B3GALT1: variants seen among roughly 807,000 people sequenced by gnomAD.
B3GALT1 encodes UDP-Gal:betaGlcNAc beta 1,3-galactosyltransferase, polypeptide 1.
B3GALT1 carries 10 observed loss-of-function variants against 23.2 expected under a neutral mutation model. That is an observed-to-expected ratio of 0.43 (90% CI 0.27 to 0.73). B3GALT1 has a LOEUF of 0.73. B3GALT1 is among the 30% of genes least tolerant of loss of function. The pLI is 0.21. For synonymous variants in B3GALT1, 156 were observed against 141.5 expected, an observed-to-expected ratio of 1.10 and a Z score of -0.73; for missense variants, 299 against 405.4, an observed-to-expected ratio of 0.74 and a Z score of 2.25.
chr2:167,684,408 T>G (rs1686583120), intron 3 of B3GALT1, among the ~76,000 whole-genome samples: 1 of 152,230 alleles, frequency 6.6e-6, no homozygotes, highest in Non-Finnish European at 1.5e-5. Context: ...TTGTATAGTC[T>G]GGAAAGCCAG....
At chr2:167,479,234 G>A (rs988253436) in intron 1 of B3GALT1, among the ~76,000 whole-genome samples, 85 of 152,036 alleles carry the variant, frequency 5.6e-4, no homozygotes, top group Admixed American at 7.2e-4. Flanking sequence ...AAATGAGGTG[G>A]TACAGGCAAA....
chr2:167,503,866 T>C (rs1305314541), intron 2 of B3GALT1, among the ~76,000 whole-genome samples: 1 of 152,232 alleles, frequency 6.6e-6, no homozygotes, highest in East Asian at 1.9e-4. Context: ...ATTTGTTATC[T>C]TTGCTGTATG....
intron 1 of B3GALT1, among the ~76,000 whole-genome samples, chr2:167,333,735 T>A (rs1697012672): frequency 6.6e-6 from 1 of 152,170 alleles, no homozygotes. Context: ...TAGATGACAC[T>A]TAGAGAATTA....
chr2:167,744,157 A>T (rs1293500888), intron 3 of B3GALT1, among the ~76,000 whole-genome samples: 1 of 152,132 alleles, frequency 6.6e-6, no homozygotes, highest in East Asian at 1.9e-4. Context: ...TATGTGAATA[A>T]TTTTTTAAAT....
At chr2:167,633,852 A>C (rs1450382098) in intron 2 of B3GALT1, among the ~76,000 whole-genome samples, 1 of 152,146 alleles carries the variant, frequency 6.6e-6, no homozygotes, top group East Asian at 1.9e-4. Flanking sequence ...GACCTAATAG[A>C]CATCTACAGA....
At chr2:167,310,862 A>C (rs1362404044) in intron 1 of B3GALT1, among the ~76,000 whole-genome samples, 2 of 152,016 alleles carry the variant, frequency 1.3e-5, no homozygotes, top group African/African-American at 4.8e-5. Flanking sequence ...GTGTTCAAGC[A>C]CTTCTGGAAG....
chr2:167,627,377 C>T (rs1350313850), intron 2 of B3GALT1, among the ~76,000 whole-genome samples: 1 of 151,664 alleles, frequency 6.6e-6, no homozygotes, highest in Non-Finnish European at 1.5e-5. Context: ...ATTTCTGTCT[C>T]TATCAGTTTG....
At position 167,871,891 on chromosome 2, in the gene B3GALT1, C is replaced by CTTTTTTTTTT. The variant is rs397870339; in HGVS notation, c.*1890_*1899dup. The CTTTTTTTTTT allele has an allele frequency of 6.4e-5, 4 of 62,450 alleles. No individual in the cohort carries two copies. The highest frequency in any genetic ancestry group is 9.2e-5 in the Non-Finnish European group (3 of 32,560). 3.9% of individuals were successfully genotyped at this position (62,450 alleles called of 1,614,324 possible). ...AGAGTGTACCTTTTTTATTTATTTA[C>CTTTTTTTTTT]TTTTTTTTTTTTTTTTTTTTTTTTT... On this transcript the variant is annotated 3_prime_UTR_variant, in exon 5 of 5. Coordinates refer to ENST00000392690, the MANE Select transcript of B3GALT1 (RefSeq NM_020981.4).
chr2:167,366,565 A>T (rs988724262), intron 1 of B3GALT1, among the ~76,000 whole-genome samples: 31 of 152,102 alleles, frequency 2.0e-4, no homozygotes, highest in African/African-American at 6.5e-4. Flanking sequence ...TAGAGTCATT[A>T]AAAAAAGATC....
At chr2:167,839,052 C>A (rs1454952544) in intron 4 of B3GALT1, among the ~76,000 whole-genome samples, 2 of 152,080 alleles carry the variant, frequency 1.3e-5, no homozygotes, top group South Asian at 2.1e-4. Flanking sequence ...CTATCTATGA[C>A]AAACCCACAG....
intron 1 of B3GALT1, among the ~76,000 whole-genome samples, chr2:167,388,228 T>A (rs1368745225): frequency 6.6e-6 from 1 of 152,224 alleles, no homozygotes; most frequent in Non-Finnish European, 1.5e-5. Flanking sequence ...TGGTGTGTAA[T>A]TCACTGATGA....
chr2:167,865,716 C>T (rs1459722596), intron 4 of B3GALT1, among the ~76,000 whole-genome samples: 3 of 152,216 alleles, frequency 2.0e-5, no homozygotes, highest in East Asian at 3.9e-4. Flanking sequence ...GGCGTGAACC[C>T]GGGAGGCGGA....
intron 3 of B3GALT1, among the ~76,000 whole-genome samples, chr2:167,800,604 C>G (rs1688623939): frequency 6.6e-6 from 1 of 152,222 alleles, no homozygotes; most frequent in Non-Finnish European, 1.5e-5. Context: ...CCCTACCTGA[C>G]CACAGATCCT....
chr2:167,621,967 C>G (rs2105440086), intron 2 of B3GALT1, among the ~76,000 whole-genome samples: 1 of 152,136 alleles, frequency 6.6e-6, no homozygotes. Context: ...TATAAATTAC[C>G]CAGTCTTGGG....
At chr2:167,371,185 G>A (rs1257125496) in intron 1 of B3GALT1, among the ~76,000 whole-genome samples, 1 of 150,226 alleles carries the variant, frequency 6.7e-6, no homozygotes, top group Non-Finnish European at 1.5e-5. Context: ...TATGAGGGCA[G>A]GTGATTTTTT....
intron 1 of B3GALT1, among the ~76,000 whole-genome samples, chr2:167,345,155 A>G (rs1697209005): frequency 6.6e-6 from 1 of 151,952 alleles, no homozygotes; most frequent in Non-Finnish European, 1.5e-5. Context: ...ATTGTCTCTG[A>G]GGAATGCATG....
At chr2:167,340,743 A>G (rs1245398311) in intron 1 of B3GALT1, among the ~76,000 whole-genome samples, 2 of 152,194 alleles carry the variant, frequency 1.3e-5, no homozygotes, top group African/African-American at 2.4e-5. Context: ...CAAAGTGATC[A>G]TCATCTGGAG....
intron 2 of B3GALT1, among the ~76,000 whole-genome samples, chr2:167,621,114 G>A (rs1332011725): frequency 7.6e-6 from 1 of 131,010 alleles, no homozygotes; most frequent in Non-Finnish European, 1.6e-5. Context: ...TTTGAGGCAG[G>A]GTCTAATGTT....
chr2:167,421,148 A>G (rs2105301625), intron 1 of B3GALT1, among the ~76,000 whole-genome samples: 1 of 152,356 alleles, frequency 6.6e-6, no homozygotes, highest in East Asian at 1.9e-4. Flanking sequence ...CTGTTGTGGT[A>G]AGTACTAATG....
Sources: gnomAD v4.1 joint callset for allele counts (sites outside exome capture counted in the v4.1 genomes callset) on GRCh38, gnomAD v4.1.1 for gene constraint, MANE v1.5 for transcripts, NCBI Gene and HGNC (gene_info 2026-07-23, HGNC 2026-07-21) for gene names.